Variants in PGBD1 observed in about 807,000 individuals in gnomAD.
PGBD1 encodes the protein piggyBac transposable element-derived protein 1.
Under a neutral mutation model 34.7 loss-of-function variants are expected in PGBD1, and 25 were observed. The ratio of observed to expected loss-of-function variants is 0.72; its 90% CI spans 0.52 to 1.00. The LOEUF is 1.00. PGBD1 is among the 50% of genes least tolerant of loss of function. PGBD1 has a pLI of 0.00. For missense variants in PGBD1, 830 were observed against 959.4 expected, an observed-to-expected ratio of 0.87 and a Z score of 1.78; for synonymous variants, 292 against 335.7, an observed-to-expected ratio of 0.87 and a Z score of 1.42.
intron 4 of PGBD1, among the ~76,000 whole-genome samples, chr6:28,289,971 A>G (rs1004793701): frequency 6.4e-4 from 98 of 152,318 alleles, no homozygotes; most frequent in African/African-American, 2.3e-3. Flanking sequence ...AAAATAACTT[A>G]TTATATCTGA....
intron 1 of PGBD1, 28 bp from the exon 2 acceptor site, chr6:28,283,748 T>C: frequency 6.7e-7 from 1 of 1,490,410 alleles, no homozygotes; most frequent in Non-Finnish European, 8.9e-7. Context: ...TAAATTCTTA[T>C]GCCTCAGATC....
chr6:28,283,976 G>A lies in PGBD1; in HGVS notation c.163G>A (p.Ala55Thr), dbSNP rs1213143310. The change falls in exon 2 of 7, where the codon GCT (alanine) becomes ACT (threonine). Residue 55 changes from alanine to threonine, a missense_variant. Around this residue, in one of 3 missense-constraint regions of PGBD1, gnomAD observed 457 missense variants for 515.4 expected, o/e 0.89. Coordinates refer to ENST00000682144, the MANE Select transcript of PGBD1 (RefSeq NM_032507.4). The stretch of plus-strand genomic sequence containing the variant: ...CTTTCGGCACTTCTGCTACCAGGAG[G>A]CTCACGGACCCCAGGAAGCTCTGGC... ...LRFRHFCYQE[A>T]HGPQEALAQL... 1 of 1,614,178 alleles carries A rather than the reference G, an allele frequency of 6.2e-7. No individual in the cohort carries two copies. The highest frequency in any genetic ancestry group is 1.7e-5 in the Admixed American group (1 of 60,022).
intron 4 of PGBD1, among the ~76,000 whole-genome samples, chr6:28,296,274 G>A (rs1010593744): frequency 6.6e-6 from 1 of 152,184 alleles, no homozygotes; most frequent in Non-Finnish European, 1.5e-5. Flanking sequence ...TTAGGTATTT[G>A]TAGTCAGTTT....
At chr6:28,291,202 CTT>C (rs1474296478) in intron 4 of PGBD1, among the ~76,000 whole-genome samples, 1 of 146,794 alleles carries the variant, frequency 6.8e-6, no homozygotes, top group African/African-American at 2.5e-5. Context: ...AAAATCAAGT[CTT>C]TAGCTGGACA....
intron 6 of PGBD1, among the ~76,000 whole-genome samples, chr6:28,299,318 CCTT>C (rs1262499068): frequency 6.6e-6 from 1 of 151,756 alleles, no homozygotes; most frequent in South Asian, 2.1e-4. Context: ...CCCCTGCCCT[CCTT>C]CTAGTCCCCC....
chr6:28,297,845 T>TTTTTAA, intron 5 of PGBD1, 50 bp from the exon 6 acceptor site: 1 of 283,634 alleles, frequency 3.5e-6, no homozygotes, highest in Non-Finnish European at 6.6e-6. Flanking sequence ...TTTTTTTTTT[T>TTTTTAA]CAAAATTCAC....
In PGBD1 at chr6:28,301,979, G is replaced by T. The variant is rs1293393965; in HGVS notation, c.2125G>T (p.Glu709Ter). 6.2e-7 allele frequency: 1 copy of T among 1,614,220 alleles called. No individual in the cohort carries two copies. The highest frequency in any genetic ancestry group is 1.7e-5 in the Admixed American group (1 of 60,028). ...SNAVGIEPVN[E>*]VSCCDADNEE... is the part of the protein sequence containing the mutation. ...TGCTGTGGGCATAGAACCAGTCAAT[G>T]AGGTAAGCTGTTGTGATGCTGATAA... The change falls in exon 7 of 7, where the codon GAG becomes TAG. Residue 709 changes from glutamate to a stop codon, truncating the protein, a stop_gained. Transcript: ENST00000682144. LOFTEE classifies it low-confidence loss of function (END_TRUNC).
intron 3 of PGBD1, 31 bp downstream of exon 3, chr6:28,285,738 C>T (rs371212900): frequency 3.1e-6 from 5 of 1,597,484 alleles, no homozygotes; most frequent in East Asian, 2.2e-5. Context: ...AGTGAGGACG[C>T]TGGGAGCTGG....
Position 28,281,711 on chromosome 6 carries a change from C to T in PGBD1, c.-246C>T, listed in dbSNP as rs1762134930. 3.3e-6 allele frequency: 1 copy of T among 306,566 alleles called. No homozygotes were observed. The allele number at this position is 306,566 out of a possible 1,614,324, so 19.0% of individuals were successfully genotyped here. A position where few individuals can be genotyped will look rare whatever the true frequency, so the allele number is the denominator to read the frequency against. ...CCTCGGGAGCCTTTCACGAGGTCAG[C>T]TACGTCTTTGTTGTGCGCGTTCCTG... On this transcript the variant is annotated 5_prime_UTR_variant, in exon 1 of 7. Transcript: ENST00000682144.
chr6:28,295,056 T>C (rs569644747), intron 4 of PGBD1, among the ~76,000 whole-genome samples: 1 of 152,306 alleles, frequency 6.6e-6, no homozygotes, highest in South Asian at 2.1e-4. Flanking sequence ...GAGGTGAAAA[T>C]ACCAACATTA....
chr6:28,299,110 T>C (rs1471857247), intron 6 of PGBD1, among the ~76,000 whole-genome samples: 3 of 152,156 alleles, frequency 2.0e-5, no homozygotes, highest in African/African-American at 4.8e-5. Flanking sequence ...GGAAGAGATA[T>C]GATGTTCAGT....
In PGBD1 at chr6:28,300,991, G is replaced by A; in HGVS notation, c.1137G>A (p.Lys379=). The A allele has an allele frequency of 6.2e-7, 1 of 1,614,156 alleles. No individual in the cohort carries two copies. The highest frequency in any genetic ancestry group is 8.5e-7 in the Non-Finnish European group (1 of 1,180,034). Residue 379 remains lysine, a synonymous_variant, in exon 7 of 7, where the codon AAG becomes AAA. Transcript: ENST00000682144. The surrounding 1 kb of genome is among the most constrained non-coding windows in gnomAD (Gnocchi z 4.0). The part of the protein sequence containing the change: ...NEPEIQPAQK[K]LKVSCFPEKS... ...CTGAGATCCAGCCTGCTCAAAAGAA[G>A]TTAAAGGTATCATGTTTCCCAGAAA... is the stretch of plus-strand genomic sequence containing the variant.
At position 28,301,043 on chromosome 6, in the gene PGBD1, C is replaced by T; in HGVS notation, c.1189C>T (p.Pro397Ser). The change falls in exon 7 of 7, where the codon CCC (proline) becomes TCC (serine). Residue 397 changes from proline to serine, a missense_variant. Pro to Ser is a moderately conservative substitution (Grantham distance 74). This residue lies in a region of PGBD1 where 457 missense variants were observed against 515.4 expected (regional missense o/e 0.89). Coordinates refer to ENST00000682144, the MANE Select transcript of PGBD1 (RefSeq NM_032507.4). ...EKSWTKRDIK[P>S]NFPSWSALDS... is the part of the protein sequence containing the mutation. ...GAGTTGGACCAAAAGAGACATTAAA[C>T]CCAATTTTCCAAGCTGGTCAGCACT... 6.2e-7 allele frequency: 1 copy of T among 1,614,150 alleles called. No homozygotes were observed.
chr6:28,292,359 G>A (rs1461323173), intron 4 of PGBD1, among the ~76,000 whole-genome samples: 1 of 151,782 alleles, frequency 6.6e-6, no homozygotes, highest in Non-Finnish European at 1.5e-5. Flanking sequence ...AATACTTAGG[G>A]AATTTAAATA....
chr6:28,286,928 G>A (rs371158886), intron 3 of PGBD1, 152 bp from the exon 4 acceptor site: 1 of 641,710 alleles, frequency 1.6e-6, no homozygotes. Flanking sequence ...AATGAAAGCA[G>A]TTGTGATGCT....
chr6:28,293,232 C>T (rs541306013), intron 4 of PGBD1, among the ~76,000 whole-genome samples: 26 of 152,272 alleles, frequency 1.7e-4, no homozygotes, highest in African/African-American at 5.3e-4. Flanking sequence ...TGAGCCACCA[C>T]GCCAGGCCTC....
chr6:28,285,419 T>C, intron 2 of PGBD1, 132 bp from the exon 3 acceptor site: 1 of 939,136 alleles, frequency 1.1e-6, no homozygotes, highest in Non-Finnish European at 1.5e-6. Context: ...TTTTTGTTTT[T>C]CTGGGCTGGG....
intron 4 of PGBD1, among the ~76,000 whole-genome samples, chr6:28,290,712 GA>G (rs552139834): frequency 6.6e-6 from 1 of 152,202 alleles, no homozygotes; most frequent in African/African-American, 2.4e-5. Context: ...AAACAAATCT[GA>G]ACAAATTTTT....
intron 4 of PGBD1, among the ~76,000 whole-genome samples, chr6:28,295,275 G>C (rs1762593353): frequency 6.6e-6 from 1 of 152,202 alleles, no homozygotes; most frequent in Non-Finnish European, 1.5e-5. Context: ...GTTTGAGATT[G>C]AATCTACTCC....
Sources: allele counts gnomAD v4.1 joint callset (sites outside exome capture counted in the v4.1 genomes callset), GRCh38; gene constraint gnomAD v4.1.1; regional missense constraint gnomAD v4.1.1; non-coding constraint Gnocchi (gnomAD v3.1); transcripts MANE v1.5; gene names NCBI Gene and HGNC (gene_info 2026-07-23, HGNC 2026-07-21).